MAP1S: variants seen among roughly 807,000 people sequenced by gnomAD.
MAP1S encodes the protein microtubule associated protein 1S, also known as microtubule-associated protein 1S.
Under a neutral mutation model 60.9 loss-of-function variants are expected in MAP1S, and 27 were observed. The observed-to-expected ratio is 0.44, with a 90% CI of 0.33 to 0.61. MAP1S has a LOEUF of 0.61. Among genes scored for constraint, MAP1S ranks in the 20% least tolerant of loss-of-function variants. The pLI, the probability that MAP1S is intolerant of heterozygous loss-of-function variation, is 0.03. For missense variants in MAP1S, 1,608 were observed against 1,486.6 expected (o/e 1.08, Z -1.34); for synonymous variants, 826 against 694.2 (o/e 1.19, Z -2.98).
intron 5 of MAP1S, chr19:17,728,931 GGA>G (rs1364635625): frequency 2.0e-5 from 3 of 152,212 alleles, no homozygotes; most frequent in Non-Finnish European, 4.4e-5. Context: ...CCTGTGAAAT[GGA>G]AACTGACCTC....
intron 5 of MAP1S, among the ~76,000 whole-genome samples, chr19:17,731,793 G>A (rs1422950808): frequency 1.3e-5 from 2 of 152,166 alleles, no homozygotes; most frequent in African/African-American, 2.4e-5. Context: ...TGCCTCCCGA[G>A]TAGCTGGGAT....
chr19:17,730,916 A>T (rs1599466685), intron 5 of MAP1S, among the ~76,000 whole-genome samples: 3 of 135,640 alleles, frequency 2.2e-5, no homozygotes, highest in African/African-American at 2.8e-5. Flanking sequence ...TTTTCAGATG[A>T]GTCTGGCTCT....
chr19:17,721,251 A>T, intron 2 of MAP1S: 1 of 571,114 alleles, frequency 1.8e-6, no homozygotes, highest in South Asian at 1.9e-5. Context: ...TGATTGACAG[A>T]TGAGGAAATT....
In MAP1S at chr19:17,733,355, G is replaced by A. The variant is rs140217036; in HGVS notation, c.2951G>A (p.Arg984His). 1.7e-5 allele frequency: 28 copies of A among 1,610,980 alleles called. No individual in the cohort carries two copies. The highest frequency in any genetic ancestry group is 1.5e-4 in the African/African-American group (11 of 75,016). Residue 984 changes from arginine to histidine, a missense_variant, in exon 6 of 7, where the codon CGC becomes CAC. By Grantham distance (29) the Arg-to-His change is conservative. Transcript: ENST00000324096. ...LCYVISGQDQ[R>H]KEEGMRAVLD... ...TACGTCATCAGTGGCCAGGACCAGC[G>A]CAAGGAGGAAGGCATGCGGGCCGTC...
In MAP1S at chr19:17,726,428, GGC is replaced by G; in HGVS notation, c.1050_1051del (p.Gly351ArgfsTer3). ...ACGCCTGCGAGGCCGCGTCGCGGCT[GGC>G]GCGCGGCGAGGATGAGGCGGAGCTG... ...FNACEAASRL[A>X]RGEDEAELAL... On this transcript the variant is annotated frameshift_variant, in exon 5 of 7. Coordinates refer to ENST00000324096, the MANE Select transcript of MAP1S (RefSeq NM_018174.6). LOFTEE classifies it high-confidence loss of function. 6.4e-7 allele frequency: 1 copy of G among 1,563,060 alleles called. No homozygotes were observed. The highest frequency in any genetic ancestry group is 1.3e-5 in the African/African-American group (1 of 74,440).
Position 17,720,104 on chromosome 19 carries a change from T to C in MAP1S, c.118+484T>C. On this transcript the variant is annotated intron_variant, in intron 1 of 6. Coordinates refer to ENST00000324096, the MANE Select transcript of MAP1S (RefSeq NM_018174.6). ...CTGTTGCCTCACAAGGAGCTGCTAATTGGGGTGTGGGCGGGTGCGGCCTGC... is the reference window on the plus strand; with the variant it reads ...CTGTTGCCTCACAAGGAGCTGCTAACTGGGGTGTGGGCGGGTGCGGCCTGC... 9.2e-6 allele frequency: 11 copies of C among 1,194,926 alleles called. No homozygotes were observed. In the South Asian group the frequency reaches 1.6e-4, roughly 17 times the overall value. The allele number at this position is 1,194,926 out of a possible 1,614,324, so 74.0% of individuals were successfully genotyped here.
rs568055331 is a variant in MAP1S, at chr19:17,734,407, G to A, written c.3159G>A (p.Pro1053=). ...TGTCCATGCAGGATGACGCCTTCCC[G>A]GCCTGCAAGGTGGAGTTCTAGCCCC... ...SMVSMQDDAF[P]ACKVEF The change falls in exon 7 of 7, where the codon CCG becomes CCA. Residue 1053 remains proline, a synonymous_variant. Transcript: ENST00000324096. 1.9e-5 allele frequency: 31 copies of A among 1,612,568 alleles called. No individual in the cohort carries two copies. The Admixed American group carries it at 3.2e-4, about 16-fold the overall frequency.
chr19:17,724,214 G>A lies in MAP1S; in HGVS notation c.303+6G>A. 6.2e-7 allele frequency: 1 copy of A among 1,613,342 alleles called. No individual in the cohort carries two copies. The highest frequency in any genetic ancestry group is 8.5e-7 in the Non-Finnish European group (1 of 1,179,476). ...ACAAGTCCCTGTATGATGAGGTAGG[G>A]AATGGCTGACGTCCTGGAGGGGGCG... On this transcript the variant is annotated splice_donor_region_variant and intron_variant, in intron 3 of 6. Transcript: ENST00000324096.
rs1375716025 is a variant in MAP1S at position 17,727,029 on chromosome 19, C to T, written c.1645C>T (p.Pro549Ser). Reference sequence around the variant, plus strand: ...GGTGCGCCGGGCAGCCTCTTCTGTGCCCAACCTCAAGAAGACGAATGCCCA... The same window carrying T: ...GGTGCGCCGGGCAGCCTCTTCTGTGTCCAACCTCAAGAAGACGAATGCCCA... ...REVRRAASSV[P>S]NLKKTNAQAA... The change falls in exon 5 of 7, where the codon CCC (proline) becomes TCC (serine). Residue 549 changes from proline (P) to serine (S), a missense_variant. By Grantham distance (74) the Pro-to-Ser change is moderately conservative. This residue lies in a region of MAP1S where 1,167 missense variants were observed against 961.4 expected (regional missense o/e 1.21). Transcript: ENST00000324096. This position sits in a 1 kb window ranked among gnomAD's most constrained non-coding sequence, Gnocchi z 4.1. 1.2e-5 allele frequency: 20 copies of T among 1,602,726 alleles called. No individual in the cohort carries two copies. Among genetic ancestry groups the T allele is most frequent in the Non-Finnish European group, 1.6e-5 (19 of 1,175,656 alleles).
chr19:17,733,471 A>AC, intron 6 of MAP1S, 43 bp downstream of exon 6: 1 of 1,477,612 alleles, frequency 6.8e-7, no homozygotes, highest in Non-Finnish European at 9.1e-7. Flanking sequence ...TGTAGTTAGC[A>AC]CAGATGGGTA....
intron 2 of MAP1S, 179 bp downstream of exon 2, chr19:17,721,216 G>A (rs914507670): frequency 3.2e-6 from 2 of 630,980 alleles, no homozygotes; most frequent in African/African-American, 1.8e-5. Context: ...GCAACCCACA[G>A]TGCAGGAACT....
At chr19:17,720,137 A>C in intron 1 of MAP1S, 2 of 1,287,706 alleles carry the variant, frequency 1.6e-6, no homozygotes, top group South Asian at 2.1e-5. Context: ...TGCCCTGGGG[A>C]TTTGGCACCT....
At chr19:17,733,169 G>T in intron 5 of MAP1S, 24 bp from the exon 6 acceptor site, 1 of 1,465,078 alleles carries the variant, frequency 6.8e-7, no homozygotes, top group Non-Finnish European at 9.2e-7. Context: ...GCTCATCCCT[G>T]CCTCCCCATC....
Position 17,720,942 on chromosome 19 carries a change from G to C in MAP1S, c.125G>C (p.Arg42Pro). The C allele has an allele frequency of 6.2e-7, 1 of 1,613,648 alleles. No homozygotes were observed. Among genetic ancestry groups the C allele is most frequent in the Non-Finnish European group, 8.5e-7 (1 of 1,179,628 alleles). Residue 42 changes from arginine to proline, a missense_variant, in exon 2 of 7, where the codon CGG (arginine) becomes CCG (proline). By Grantham distance (103) the Arg-to-Pro change is moderately radical. Coordinates refer to ENST00000324096, the MANE Select transcript of MAP1S (RefSeq NM_018174.6). ...YVLEELERGI[R>P]SWDVDPGVCN... Reference sequence around the variant, plus strand: ...GATCCCTCCTTCCCACCAGGCATCCGGTCTTGGGATGTCGATCCTGGCGTC... The same window carrying C: ...GATCCCTCCTTCCCACCAGGCATCCCGTCTTGGGATGTCGATCCTGGCGTC...
intron 1 of MAP1S, 83 bp from the exon 2 acceptor site, chr19:17,720,853 A>G: frequency 9.2e-7 from 1 of 1,087,588 alleles, no homozygotes; most frequent in Non-Finnish European, 1.4e-6. Context: ...GGCGCTCCCC[A>G]CCCACGGGGT....
At position 17,726,327 on chromosome 19, in the gene MAP1S, G is replaced by T. The variant is rs776984765; in HGVS notation, c.943G>T (p.Val315Leu). ...GCGCAAACTGGCGGAGCGCTCCGAGGTGGCTGCTGGTGGGGGCTCCTGGGA... is the reference window on the plus strand; with the variant it reads ...GCGCAAACTGGCGGAGCGCTCCGAGTTGGCTGCTGGTGGGGGCTCCTGGGA... ...LRRKLAERSEVAAGGGSWDDR... is the reference protein window; with the variant it reads ...LRRKLAERSELAAGGGSWDDR... Residue 315 changes from valine (V) to leucine (L), a missense_variant, in exon 5 of 7, where the codon GTG becomes TTG. Val to Leu is a conservative substitution (Grantham distance 32, BLOSUM62 1). Transcript: ENST00000324096. The T allele has an allele frequency of 5.0e-6, 8 of 1,603,348 alleles. No homozygotes were observed. Among genetic ancestry groups the T allele is most frequent in the Non-Finnish European group, 5.9e-6 (7 of 1,178,486 alleles).
Position 17,727,356 on chromosome 19 carries a change from C to A in MAP1S, c.1972C>A (p.Pro658Thr), listed in dbSNP as rs986411703. ...GGGCAGCGAGCGGCTGTCGCTGAGCCCACTGCGGGGCGGGGAGGCCGGGCC... is the reference window on the plus strand; with the variant it reads ...GGGCAGCGAGCGGCTGTCGCTGAGCACACTGCGGGGCGGGGAGGCCGGGCC... ...AEGSERLSLS[P>T]LRGGEAGPDA... The change falls in exon 5 of 7, where the codon CCA becomes ACA. Residue 658 changes from proline (P) to threonine (T), a missense_variant. Around this residue, in one of 4 missense-constraint regions of MAP1S, gnomAD observed 1,167 missense variants for 961.4 expected, o/e 1.21. Transcript: ENST00000324096. This position sits in a 1 kb window ranked among gnomAD's most constrained non-coding sequence, Gnocchi z 4.1. 3 of 1,586,800 alleles carry A rather than the reference C, an allele frequency of 1.9e-6. No homozygotes were observed. Among genetic ancestry groups the A allele is most frequent in the Non-Finnish European group, 2.6e-6 (3 of 1,170,014 alleles).
chr19:17,730,131 G>A (rs115402948), intron 5 of MAP1S, among the ~76,000 whole-genome samples: 11 of 152,220 alleles, frequency 7.2e-5, no homozygotes, highest in African/African-American at 1.9e-4. Flanking sequence ...TGGATGAACC[G>A]CCAGACTGTT....
At chr19:17,719,683 G>C (rs1349303896) in intron 1 of MAP1S, 63 bp downstream of exon 1, 2 of 902,876 alleles carry the variant, frequency 2.2e-6, no homozygotes, top group African/African-American at 4.1e-5. Context: ...GTCTGGGCCC[G>C]GGGCCGGCGG....
Sources: allele counts gnomAD v4.1 joint callset (sites outside exome capture counted in the v4.1 genomes callset), GRCh38; gene constraint gnomAD v4.1.1; regional missense constraint gnomAD v4.1.1; non-coding constraint Gnocchi (gnomAD v3.1); transcripts MANE v1.5; gene names NCBI Gene and HGNC (gene_info 2026-07-23, HGNC 2026-07-21).